Variants in HECTD4 observed in about 807,000 individuals in gnomAD.
The protein encoded by HECTD4 is HECT domain E3 ubiquitin protein ligase 4.
A neutral mutation model predicts 471.5 loss-of-function variants in HECTD4; 114 were observed. The ratio of observed to expected loss-of-function variants is 0.24; its 90% CI spans 0.21 to 0.28. HECTD4 has a LOEUF of 0.28. Among genes scored for constraint, HECTD4 ranks in the 10% least tolerant of loss-of-function variants. The pLI is 1.00. For synonymous variants in HECTD4, 2,012 were observed against 2,256.0 expected (o/e 0.89, Z 3.07); for missense variants, 3,866 against 5,651.5 (o/e 0.68, Z 10.13).
intron 1 of HECTD4, among the ~76,000 whole-genome samples, chr12:112,371,832 G>A (rs1427580408): frequency 1.4e-5 from 2 of 146,928 alleles, no homozygotes; most frequent in East Asian, 2.1e-4. Context: ...GTTGCGGTAA[G>A]CCGAGATTGT....
intron 1 of HECTD4, among the ~76,000 whole-genome samples, chr12:112,324,020 TCC>T (rs1234567245): frequency 5.8e-5 from 3 of 51,772 alleles, no homozygotes; most frequent in African/African-American, 3.8e-4. Flanking sequence ...CTTCCTTCCT[TCC>T]TTCCTTCCTT....
intron 55 of HECTD4, among the ~76,000 whole-genome samples, chr12:112,196,805 T>C (rs1593918943): frequency 6.6e-6 from 1 of 152,078 alleles, no homozygotes; most frequent in Non-Finnish European, 1.5e-5. Context: ...TCTCTTTTTT[T>C]TGTTTTTTGA....
At chr12:112,378,280 G>A (rs917515718) in intron 1 of HECTD4, among the ~76,000 whole-genome samples, 2 of 151,902 alleles carry the variant, frequency 1.3e-5, no homozygotes, top group African/African-American at 2.4e-5. Flanking sequence ...GTGCAGTGAC[G>A]CGATCTCAGC....
intron 1 of HECTD4, among the ~76,000 whole-genome samples, chr12:112,337,117 T>C (rs1319346966): frequency 1.3e-5 from 2 of 152,190 alleles, no homozygotes; most frequent in African/African-American, 4.8e-5. Context: ...ACTTTGAGAC[T>C]CAAAACTGTT....
intron 1 of HECTD4, among the ~76,000 whole-genome samples, chr12:112,352,743 A>T (rs2036268107): frequency 1.3e-5 from 2 of 151,930 alleles, no homozygotes; most frequent in Non-Finnish European, 2.9e-5. Context: ...AGTAGCTAAG[A>T]CCACATGTAT....
Position 112,381,825 on chromosome 12 carries a change from C to CCA in HECTD4, c.177+125_177+126dup. 1 of 564,974 alleles carries CCA rather than the reference C, an allele frequency of 1.8e-6. No individual in the cohort carries two copies. The highest frequency in any genetic ancestry group is 2.6e-6 in the Non-Finnish European group (1 of 389,964). 35.0% of individuals were successfully genotyped at this position (564,974 alleles called of 1,614,324 possible). On this transcript the variant is annotated intron_variant, in intron 1 of 75. Coordinates refer to ENST00000682272, the MANE Select transcript of HECTD4 (RefSeq NM_001388303.1). This position sits in a 1 kb window ranked among gnomAD's most constrained non-coding sequence, Gnocchi z 4.1. ...GCGGCCCCACCTGCCCGCCCCGCGC[C>CCA]CACACACACCTGCCCCGGCAGCCGC... is the stretch of plus-strand genomic sequence containing the variant.
chr12:112,254,109 T>A lies in HECTD4; in HGVS notation c.3381A>T (p.Gly1127=), dbSNP rs2033955723. The A allele has an allele frequency of 6.2e-7, 1 of 1,613,838 alleles. No individual in the cohort carries two copies. The highest frequency in any genetic ancestry group is 1.3e-5 in the African/African-American group (1 of 74,916). ...GGCTGCCATATCCCAGTGTGTTGCC[T>A]CCATATTCAGCAACCTTCCTACTGT... is the stretch of plus-strand genomic sequence containing the variant. The part of the protein sequence containing the change: ...NTNSRKVAEY[G]GNTLGYGSRS... The change falls in exon 22 of 76, where the codon GGA becomes GGT. Residue 1127 remains glycine, a synonymous_variant. Transcript: ENST00000682272.
In HECTD4 at chr12:112,162,657, G is replaced by C. The variant is rs1011006127; in HGVS notation, c.13121-134C>G. 7 of 1,040,134 alleles carry C rather than the reference G, an allele frequency of 6.7e-6. No individual in the cohort carries two copies. Among genetic ancestry groups the C allele is most frequent in the Non-Finnish European group, 9.8e-6 (7 of 711,754 alleles). 64.4% of individuals were successfully genotyped at this position (1,040,134 alleles called of 1,614,324 possible). ...CCAATCCTGGGGCCCAGCAGGAGGG[G>C]GATGAGGGCCTGGGAACCTGCGAGA... On this transcript the variant is annotated intron_variant, in intron 75 of 75. Transcript: ENST00000682272. This position sits in a 1 kb window ranked among gnomAD's most constrained non-coding sequence, Gnocchi z 5.2.
intron 3 of HECTD4, 118 bp from the exon 4 acceptor site, chr12:112,313,265 T>G (rs1389056371): frequency 3.5e-6 from 2 of 569,718 alleles, no homozygotes; most frequent in Non-Finnish European, 5.4e-6. Context: ...TATAATATTT[T>G]ATACAAATAT....
At chr12:112,328,891 A>AT (rs1329731618) in intron 1 of HECTD4, among the ~76,000 whole-genome samples, 2 of 152,212 alleles carry the variant, frequency 1.3e-5, no homozygotes, top group Admixed American at 6.5e-5. Flanking sequence ...TTCTTGCTAG[A>AT]TTTTTTAGTT....
chr12:112,171,501 G>T (rs1485192356), intron 67 of HECTD4, among the ~76,000 whole-genome samples: 1 of 152,202 alleles, frequency 6.6e-6, no homozygotes, highest in Non-Finnish European at 1.5e-5. Flanking sequence ...GGAGTCCAAG[G>T]CCCCTCATCT....
Position 112,246,895 on chromosome 12 carries a change from C to T in HECTD4, c.4513+6G>A. 1.2e-6 allele frequency: 2 copies of T among 1,608,412 alleles called. No individual in the cohort carries two copies. The highest frequency in any genetic ancestry group is 1.7e-6 in the Non-Finnish European group (2 of 1,178,284). On this transcript the variant is annotated splice_donor_region_variant and intron_variant, in intron 29 of 75. Transcript: ENST00000682272. ...AAGCCGATTAGGGGCTATCTTTGAG[C>T]AGTACCTGGTGTTTCAGCAGGGGTC...
chr12:112,317,956 CAAAAAAAAAA>C (rs59773169), intron 2 of HECTD4, among the ~76,000 whole-genome samples: 33 of 22,240 alleles, frequency 1.5e-3, no homozygotes, highest in South Asian at 8.7e-3. Context: ...GACCCCATCT[CAAAAAAAAAA>C]AAAAAAAAAA....
intron 1 of HECTD4, among the ~76,000 whole-genome samples, chr12:112,357,856 A>G (rs1044929329): frequency 2.0e-5 from 3 of 152,258 alleles, no homozygotes. Context: ...ATAAACTGCT[A>G]CTACCATGTA....
Position 112,193,065 on chromosome 12 carries a change from T to C in HECTD4, c.9082A>G (p.Lys3028Glu). 2 of 1,614,042 alleles carry C rather than the reference T, an allele frequency of 1.2e-6. No individual in the cohort carries two copies. The highest frequency in any genetic ancestry group is 1.7e-6 in the Non-Finnish European group (2 of 1,179,890). ...SCKESQSGFR[K>E]DSSLYKAPWA... ...TCTTGAGAACAGGCAACTTACTCTT[T>C]GCGGAATCCAGATTGACTTTCTTTA... Residue 3028 changes from lysine to glutamate, a missense_variant, in exon 58 of 76, where the codon AAA (lysine) becomes GAA (glutamate). Physicochemically the swap from Lys to Glu is moderately conservative, Grantham distance 56. Coordinates refer to ENST00000682272, the MANE Select transcript of HECTD4 (RefSeq NM_001388303.1). This position sits in a 1 kb window ranked among gnomAD's most constrained non-coding sequence, Gnocchi z 5.2.
chr12:112,347,157 T>G (rs2036167911), intron 1 of HECTD4, among the ~76,000 whole-genome samples: 2 of 151,808 alleles, frequency 1.3e-5, no homozygotes, highest in Admixed American at 1.3e-4. Context: ...GAGGAGCAAA[T>G]GTTGAATAAA....
At chr12:112,199,964 A>C (rs1393864804) in intron 55 of HECTD4, among the ~76,000 whole-genome samples, 1 of 152,186 alleles carries the variant, frequency 6.6e-6, no homozygotes, top group African/African-American at 2.4e-5. Context: ...TCCAGCTCTC[A>C]TCTCTCACTA....
intron 1 of HECTD4, among the ~76,000 whole-genome samples, chr12:112,365,772 G>GTTTTTTTTTTTTTTT (rs5800943): frequency 1.1e-5 from 1 of 91,978 alleles, no homozygotes; most frequent in Non-Finnish European, 2.2e-5. Flanking sequence ...TTTTTTTTTT[G>GTTTTTTTTTTTTTTT]TTTTTTTTTT....
intron 1 of HECTD4, among the ~76,000 whole-genome samples, chr12:112,378,487 T>C (rs190633162): frequency 1.4e-4 from 22 of 152,040 alleles, no homozygotes; most frequent in Admixed American, 1.4e-3. Flanking sequence ...GTCTCCCAAA[T>C]TGCTGGGATT....
Sources: allele counts gnomAD v4.1 joint callset (sites outside exome capture counted in the v4.1 genomes callset), GRCh38; gene constraint gnomAD v4.1.1; non-coding constraint Gnocchi (gnomAD v3.1); transcripts MANE v1.5; gene names NCBI Gene and HGNC (gene_info 2026-07-23, HGNC 2026-07-21).